The following PHF14 variants were observed in gnomAD, a reference collection of about 807,000 sequenced individuals.
PHF14 encodes the protein PHD finger protein 14.
Under a neutral mutation model 117.9 loss-of-function variants are expected in PHF14, and 55 were observed. The observed-to-expected ratio is 0.47, with a 90% CI of 0.38 to 0.58. The LOEUF is 0.58. Among genes scored for constraint, PHF14 ranks in the 20% least tolerant of loss-of-function variants. The pLI is 0.00. For missense variants in PHF14, 978 were observed against 1,122.2 expected (o/e 0.87, Z 1.84); for synonymous variants, 409 against 368.6 (o/e 1.11, Z -1.26).
intron 1 of PHF14, among the ~76,000 whole-genome samples, 184 bp downstream of exon 1, chr7:10,974,508 T>C (rs758292820): frequency 4.6e-5 from 7 of 152,190 alleles, no homozygotes; most frequent in Non-Finnish European, 7.4e-5. Flanking sequence ...CCGTTTTTAT[T>C]GACTGTTACG....
chr7:11,147,124 G>A (rs1442762779), intron 17 of PHF14, among the ~76,000 whole-genome samples: 8 of 152,062 alleles, frequency 5.3e-5, no homozygotes. Flanking sequence ...CTGGGATTAC[G>A]GGCATAAGCC....
At chr7:11,080,716 G>A (rs975532882) in intron 16 of PHF14, among the ~76,000 whole-genome samples, 3 of 152,186 alleles carry the variant, frequency 2.0e-5, no homozygotes, top group Non-Finnish European at 2.9e-5. Context: ...TCTGCAGTGC[G>A]GATATATATC....
intron 16 of PHF14, chr7:11,103,956 A>G (rs1787175479): frequency 4.1e-6 from 4 of 984,354 alleles, no homozygotes; most frequent in Non-Finnish European, 4.8e-6. Flanking sequence ...TTGTCACTAT[A>G]TTAGCTTAAG....
chr7:11,166,718 G>C (rs1215440257), intron 17 of PHF14, among the ~76,000 whole-genome samples: 1 of 151,970 alleles, frequency 6.6e-6, no homozygotes, highest in Admixed American at 6.6e-5. Flanking sequence ...ATGCTTTTCT[G>C]CACCTAGGTT....
At chr7:11,060,548 C>A (rs1019172602) in intron 14 of PHF14, among the ~76,000 whole-genome samples, 1 of 152,144 alleles carries the variant, frequency 6.6e-6, no homozygotes, top group Non-Finnish European at 1.5e-5. Flanking sequence ...TAAAAGATAG[C>A]TTCTAATTCA....
At chr7:11,111,729 C>T (rs10255688) in intron 17 of PHF14, among the ~76,000 whole-genome samples, 78,446 of 151,702 alleles carry the variant, frequency 0.52, 21,596 homozygotes, top group East Asian at 0.85. Flanking sequence ...TTAAATAGTG[C>T]TCCGAAAGCC....
At chr7:11,032,497 T>TA (rs113622468) in intron 7 of PHF14, among the ~76,000 whole-genome samples, 1,595 of 144,148 alleles carry the variant, frequency 0.011, 9 homozygotes, top group Non-Finnish European at 0.016. Flanking sequence ...GAGCTTTGTT[T>TA]AAAAAAAAAA....
At chr7:11,122,380 C>G (rs1787794049) in intron 17 of PHF14, among the ~76,000 whole-genome samples, 2 of 121,452 alleles carry the variant, frequency 1.6e-5, no homozygotes, top group South Asian at 5.1e-4. Flanking sequence ...CACACACACA[C>G]ACACATACAT....
chr7:11,043,948 C>G (rs1665945147), intron 13 of PHF14, among the ~76,000 whole-genome samples: 3 of 151,992 alleles, frequency 2.0e-5, no homozygotes, highest in Admixed American at 2.0e-4. Context: ...ACTGCTCAGC[C>G]TGCAGAGCTC....
chr7:11,140,182 C>G (rs1400504157), intron 17 of PHF14, among the ~76,000 whole-genome samples: 2 of 152,164 alleles, frequency 1.3e-5, no homozygotes, highest in Non-Finnish European at 2.9e-5. Flanking sequence ...ACCAACAACT[C>G]TACACATACC....
At chr7:11,074,547 T>G (rs1375210486) in intron 16 of PHF14, among the ~76,000 whole-genome samples, 1 of 152,162 alleles carries the variant, frequency 6.6e-6, no homozygotes, top group African/African-American at 2.4e-5. Context: ...CTTGCTCCTG[T>G]ATCGATTCAT....
chr7:11,038,005 G>C (rs1055688955), intron 10 of PHF14, among the ~76,000 whole-genome samples: 1 of 152,096 alleles, frequency 6.6e-6, no homozygotes, highest in African/African-American at 2.4e-5. Context: ...AGGTATAAAC[G>C]TAGTTACCAT....
intron 13 of PHF14, among the ~76,000 whole-genome samples, chr7:11,045,127 T>C (rs530568852): frequency 3.3e-5 from 5 of 152,314 alleles, no homozygotes; most frequent in African/African-American, 1.2e-4. Flanking sequence ...TTAGGAGTAT[T>C]TGTACTGTAG....
chr7:10,983,008 A>G lies in PHF14; in HGVS notation c.749A>G (p.Glu250Gly), dbSNP rs1191241342. 1.3e-6 allele frequency: 2 copies of G among 1,583,518 alleles called. No individual in the cohort carries two copies. The highest frequency in any genetic ancestry group is 3.6e-5 in the Admixed American group (2 of 55,186). The change falls in exon 3 of 18, where the codon GAG becomes GGG. Residue 250 changes from glutamate to glycine, a missense_variant. By Grantham distance (98) the Glu-to-Gly change is moderately conservative. Transcript: ENST00000634607. ...GAGGGAAGCGGGAGTGATGAAGACG[A>G]GAATGATGAAGGCAATGATGAAGAT... Reference protein sequence around the residue: ...EDEGSGSDEDENDEGNDEDHS... With the variant: ...EDEGSGSDEDGNDEGNDEDHS...
intron 16 of PHF14, among the ~76,000 whole-genome samples, chr7:11,081,493 T>C (rs1562456113): frequency 6.6e-6 from 1 of 152,226 alleles, no homozygotes; most frequent in African/African-American, 2.4e-5. Flanking sequence ...TTTGACCCCT[T>C]ATTCAGCCAT....
At chr7:11,043,075 G>GT (rs1359951523) in intron 13 of PHF14, among the ~76,000 whole-genome samples, 9 of 151,776 alleles carry the variant, frequency 5.9e-5, no homozygotes, top group African/African-American at 2.2e-4. Context: ...TAATTCTCTT[G>GT]TTTTATTGTT....
intron 2 of PHF14, among the ~76,000 whole-genome samples, chr7:10,976,771 A>G (rs533569916): frequency 5.0e-4 from 76 of 151,306 alleles, no homozygotes; most frequent in South Asian, 1.5e-3. Flanking sequence ...TGTTAGGTTG[A>G]TATATCTATA....
intron 4 of PHF14, among the ~76,000 whole-genome samples, chr7:11,002,507 C>T (rs979196428): frequency 1.3e-5 from 2 of 151,966 alleles, no homozygotes; most frequent in Non-Finnish European, 2.9e-5. Context: ...GGAGCAATCT[C>T]GACTCACTGC....
At position 10,982,358 on chromosome 7, in the gene PHF14, CAT is replaced by C; in HGVS notation, c.113-11_113-10del. On this transcript the variant is annotated splice_polypyrimidine_tract_variant and intron_variant, in intron 2 of 17. Transcript: ENST00000634607. ...TACATATGTGTGGTTTTTTTTTTCT[CAT>C]ATTTTCAACAGATTCTGAAGGGAGT... is the stretch of plus-strand genomic sequence containing the variant. 1.4e-6 allele frequency: 2 copies of C among 1,462,230 alleles called. No individual in the cohort carries two copies. Among genetic ancestry groups the C allele is most frequent in the Non-Finnish European group, 1.8e-6 (2 of 1,100,352 alleles). 90.6% of individuals were successfully genotyped at this position (1,462,230 alleles called of 1,614,324 possible). A position where few individuals can be genotyped will look rare whatever the true frequency, so the allele number is the denominator to read the frequency against.
Sources: gnomAD v4.1 joint callset for allele counts (sites outside exome capture counted in the v4.1 genomes callset) on GRCh38, gnomAD v4.1.1 for gene constraint, MANE v1.5 for transcripts, NCBI Gene and HGNC (gene_info 2026-07-23, HGNC 2026-07-21) for gene names.